GRXCR2: variants seen among roughly 807,000 people sequenced by gnomAD.
GRXCR2 encodes the protein glutaredoxin and cysteine rich domain containing 2, also known as glutaredoxin domain-containing cysteine-rich protein 2.
GRXCR2 carries 23 observed loss-of-function variants against 24.8 expected under a neutral mutation model. That is an observed-to-expected ratio of 0.93 (90% confidence interval 0.67 to 1.32). The LOEUF is 1.32. Among genes scored for constraint, GRXCR2 ranks in the 40% most tolerant of loss-of-function variants. GRXCR2 has a pLI of 0.00. For synonymous variants in GRXCR2, 130 were observed against 116.1 expected (o/e 1.12, Z -0.77); for missense variants, 315 against 303.4 (o/e 1.04, Z -0.28).
intron 2 of GRXCR2, among the ~76,000 whole-genome samples, chr5:145,910,703 T>A (rs1581351869): frequency 6.6e-6 from 1 of 152,146 alleles, no homozygotes; most frequent in African/African-American, 2.4e-5. Flanking sequence ...TATAAATCAA[T>A]GAATTATACA....
At chr5:145,927,376 A>G (rs530497840) in intron 2 of GRXCR2, among the ~76,000 whole-genome samples, 74 of 152,290 alleles carry the variant, frequency 4.9e-4, no homozygotes, top group African/African-American at 1.6e-3. Flanking sequence ...TGTCATAAAT[A>G]GCTCTTATTA....
intron 2 of GRXCR2, among the ~76,000 whole-genome samples, chr5:145,901,388 C>T (rs1757020945): frequency 6.6e-6 from 1 of 151,978 alleles, no homozygotes; most frequent in Non-Finnish European, 1.5e-5. Context: ...TTTACTAACC[C>T]ATTATAAAGA....
At chr5:145,875,177 G>C (rs1756593622), upstream of GRXCR2, among the ~76,000 whole-genome samples, 2 of 152,212 alleles carry the variant, frequency 1.3e-5, no homozygotes, top group Non-Finnish European at 2.9e-5. Flanking sequence ...CTCAGTAATT[G>C]TTAAATGAAT....
At chr5:145,922,291 C>T (rs1757333349) in intron 2 of GRXCR2, among the ~76,000 whole-genome samples, 1 of 152,204 alleles carries the variant, frequency 6.6e-6, no homozygotes, top group East Asian at 1.9e-4. Flanking sequence ...TATCCCCTCC[C>T]TTTCTTTACC....
chr5:145,882,418 G>A (rs1333842380), intron 2 of GRXCR2, among the ~76,000 whole-genome samples: 13 of 152,086 alleles, frequency 8.5e-5, no homozygotes, highest in Admixed American at 2.0e-4. Flanking sequence ...ACACATGAAA[G>A]AATGCTCATC....
At chr5:145,858,262 A>C (rs4913044), downstream of GRXCR2, among the ~76,000 whole-genome samples, 75,072 of 149,320 alleles carry the variant, frequency 0.5, 20,001 homozygotes, top group Admixed American at 0.61. Context: ...TGCAATGAAC[A>C]AAGATTGCAC....
At chr5:145,884,111 G>A (rs985830176) in intron 2 of GRXCR2, among the ~76,000 whole-genome samples, 4 of 152,090 alleles carry the variant, frequency 2.6e-5, no homozygotes, top group Admixed American at 6.5e-5. Context: ...AAGCAAAGTG[G>A]AATAAACCCC....
chr5:145,921,413 T>C (rs1168058718), intron 2 of GRXCR2, among the ~76,000 whole-genome samples: 1 of 152,176 alleles, frequency 6.6e-6, no homozygotes, highest in Non-Finnish European at 1.5e-5. Context: ...GCATCACCAG[T>C]CACCCCAGTC....
intron 2 of GRXCR2, among the ~76,000 whole-genome samples, chr5:145,913,138 A>G (rs892322714): frequency 3.3e-5 from 5 of 152,206 alleles, no homozygotes; most frequent in African/African-American, 4.8e-5. Flanking sequence ...TAACATCTAC[A>G]TGGTACATTC....
chr5:145,921,379 T>C (rs759881122), intron 2 of GRXCR2, among the ~76,000 whole-genome samples: 6 of 152,176 alleles, frequency 3.9e-5, no homozygotes, highest in Admixed American at 1.3e-4. Flanking sequence ...AATCCACCTC[T>C]ACAGCAATTG....
At chr5:145,900,936 T>C (rs183543953) in intron 2 of GRXCR2, among the ~76,000 whole-genome samples, 32 of 152,314 alleles carry the variant, frequency 2.1e-4, no homozygotes, top group South Asian at 8.3e-4. Context: ...GTGGTACATA[T>C]ATACTGTGGA....
chr5:145,884,306 T>C (rs1278946999), intron 2 of GRXCR2, among the ~76,000 whole-genome samples: 1 of 151,814 alleles, frequency 6.6e-6, no homozygotes, highest in East Asian at 1.9e-4. Context: ...AACGAAAAAA[T>C]GTTGCAGATA....
chr5:145,895,724 T>G (rs1255880560), intron 2 of GRXCR2, among the ~76,000 whole-genome samples: 1 of 152,152 alleles, frequency 6.6e-6, no homozygotes, highest in Non-Finnish European at 1.5e-5. Flanking sequence ...ATTTATAGAT[T>G]CAATGCCATC....
At chr5:145,926,861 C>G (rs1008967978) in intron 2 of GRXCR2, among the ~76,000 whole-genome samples, 2 of 152,194 alleles carry the variant, frequency 1.3e-5, no homozygotes, top group Non-Finnish European at 2.9e-5. Context: ...TACCCATGAG[C>G]ATGGAATATT....
chr5:145,881,548 C>T (rs576513186), intron 2 of GRXCR2, among the ~76,000 whole-genome samples: 2 of 152,316 alleles, frequency 1.3e-5, no homozygotes, highest in African/African-American at 2.4e-5. Context: ...AATGGAAGAA[C>T]ATCCCATGCT....
chr5:145,876,187 G>GTA (rs1449876436), upstream of GRXCR2, among the ~76,000 whole-genome samples: 1 of 77,082 alleles, frequency 1.3e-5, no homozygotes, highest in Non-Finnish European at 2.3e-5. Context: ...GTATGTGTGT[G>GTA]TGTGTATATA....
chr5:145,917,306 G>A (rs1757255868), intron 2 of GRXCR2, among the ~76,000 whole-genome samples: 1 of 151,932 alleles, frequency 6.6e-6, no homozygotes, highest in African/African-American at 2.4e-5. Flanking sequence ...AGGCTTTCCT[G>A]TGTTTTAGAC....
rs532261834 is a variant in GRXCR2 at position 145,924,706 on chromosome 5, CT to C, written c.-70+10994del. Among the ~76,000 whole-genome samples the C allele has an allele frequency of 7.9e-5, 12 of 152,322 alleles. No homozygotes were observed. In the South Asian group the frequency reaches 2.5e-3, roughly 32 times the overall value. On this transcript the variant is annotated intron_variant, in intron 2 of 3. Transcript: ENST00000639411. ...GATAATACATAACCTCTCTCACCCT[CT>C]GTTTCCTCATCTGTAAGATGGGGGT...
rs577960691 is a variant in GRXCR2, at chr5:145,917,374, C to T, written c.-70+18327G>A. Reference sequence around the variant, plus strand: ...CCACAGTTGGAGATCAGTGTAAGGACATTTCAGAAATAGAAGAGGTGTGAG... The same window carrying T: ...CCACAGTTGGAGATCAGTGTAAGGATATTTCAGAAATAGAAGAGGTGTGAG... On this transcript the variant is annotated intron_variant, in intron 2 of 3. Coordinates refer to the GRXCR2 transcript ENST00000639411. Among the ~76,000 whole-genome samples the T allele has an allele frequency of 2.1e-3, 317 of 152,174 alleles. 1 individual carries two copies. The highest frequency in any genetic ancestry group is 7.5e-3 in the African/African-American group (310 of 41,516).
Sources: gnomAD v4.1 joint callset for allele counts (sites outside exome capture counted in the v4.1 genomes callset) on GRCh38, gnomAD v4.1.1 for gene constraint, MANE v1.5 for transcripts, NCBI Gene and HGNC (gene_info 2026-07-23, HGNC 2026-07-21) for gene names.